Variants in EXOC4 observed in about 807,000 individuals in gnomAD.
EXOC4 encodes SEC8-like 1.
A neutral mutation model predicts 107.2 loss-of-function variants in EXOC4; 71 were observed. The observed-to-expected ratio is 0.66, with a 90% CI of 0.55 to 0.81. EXOC4 has a LOEUF of 0.81. Among genes scored for constraint, EXOC4 ranks in the 30% least tolerant of loss-of-function variants. EXOC4 has a pLI of 0.00. For missense variants in EXOC4, 1,108 were observed against 1,189.6 expected (o/e 0.93, Z 1.01); for synonymous variants, 456 against 441.2 (o/e 1.03, Z -0.42).
At chr7:133,413,301 G>A (rs529618182) in intron 7 of EXOC4, among the ~76,000 whole-genome samples, 8 of 152,124 alleles carry the variant, frequency 5.3e-5, no homozygotes, top group East Asian at 1.9e-4. Context: ...CAAATTCCTT[G>A]TCATTTTGCT....
chr7:133,266,358 A>T (rs1396435924), intron 1 of EXOC4, among the ~76,000 whole-genome samples: 1 of 152,178 alleles, frequency 6.6e-6, no homozygotes, highest in Non-Finnish European at 1.5e-5. Context: ...CAGAGATTCA[A>T]CATTTGAATT....
intron 5 of EXOC4, among the ~76,000 whole-genome samples, chr7:133,328,892 T>G (rs1331063460): frequency 3.3e-5 from 5 of 152,184 alleles, no homozygotes; most frequent in Non-Finnish European, 7.4e-5. Flanking sequence ...GATGGTTATA[T>G]GTCTTGGGGT....
Position 133,909,006 on chromosome 7 carries a change from G to A in EXOC4, c.1872-8577G>A, listed in dbSNP as rs368858892. Among the ~76,000 whole-genome samples the A allele has an allele frequency of 3.3e-4, 50 of 152,154 alleles. No homozygotes were observed. The East Asian group carries it at 8.3e-3, about 25-fold the overall frequency. ...TCCCCTAGCCCCCTAACTCCCGACA[G>A]GCCCCAGTGTGTCATGTTCCCCTCC... On this transcript the variant is annotated intron_variant, in intron 12 of 17. Coordinates refer to ENST00000253861, the MANE Select transcript of EXOC4 (RefSeq NM_021807.4).
intron 17 of EXOC4, among the ~76,000 whole-genome samples, chr7:134,036,552 A>T (rs924111480): frequency 6.6e-5 from 10 of 152,160 alleles, no homozygotes; most frequent in African/African-American, 1.9e-4. Flanking sequence ...CATGCCACTG[A>T]ACTCTAGCCT....
At chr7:133,676,093 T>G (rs1794050857) in intron 10 of EXOC4, among the ~76,000 whole-genome samples, 1 of 152,026 alleles carries the variant, frequency 6.6e-6, no homozygotes, top group African/African-American at 2.4e-5. Flanking sequence ...GGTCGCAAAA[T>G]TCGTGGCGTG....
intron 14 of EXOC4, among the ~76,000 whole-genome samples, chr7:133,969,912 A>T (rs1239583782): frequency 6.6e-6 from 1 of 152,202 alleles, no homozygotes; most frequent in Non-Finnish European, 1.5e-5. Context: ...AGGCAGGAAC[A>T]TTTAAGTCTG....
intron 7 of EXOC4, among the ~76,000 whole-genome samples, chr7:133,442,235 T>G (rs1041727131): frequency 2.6e-5 from 4 of 152,170 alleles, no homozygotes; most frequent in African/African-American, 9.7e-5. Context: ...GATAAAAACT[T>G]AAGTCAAATT....
intron 15 of EXOC4, among the ~76,000 whole-genome samples, chr7:134,001,016 G>A (rs1304139358): frequency 1.3e-5 from 2 of 152,090 alleles, no homozygotes; most frequent in African/African-American, 4.8e-5. Context: ...ATCCATCTAA[G>A]GAGTGTTTGA....
chr7:133,693,250 G>A (rs1214603389), intron 10 of EXOC4, among the ~76,000 whole-genome samples: 2 of 152,204 alleles, frequency 1.3e-5, no homozygotes, highest in African/African-American at 4.8e-5. Context: ...ACTGGTGTGA[G>A]TCCAAGAGTC....
chr7:133,269,040 A>G (rs1793802940), intron 1 of EXOC4, among the ~76,000 whole-genome samples: 1 of 152,198 alleles, frequency 6.6e-6, no homozygotes, highest in African/African-American at 2.4e-5. Context: ...GAATGGAAAA[A>G]AAAATCTAGA....
intron 10 of EXOC4, among the ~76,000 whole-genome samples, chr7:133,705,262 G>A (rs185786623): frequency 2.1e-4 from 32 of 152,228 alleles, no homozygotes; most frequent in Admixed American, 2.0e-3. Context: ...AGCAATTCAG[G>A]AGTCTAAGGC....
chr7:133,427,014 G>A (rs929375210), intron 7 of EXOC4, among the ~76,000 whole-genome samples: 1 of 152,088 alleles, frequency 6.6e-6, no homozygotes, highest in Non-Finnish European at 1.5e-5. Flanking sequence ...CACTCTAAAG[G>A]AACCTTAGCA....
intron 10 of EXOC4, among the ~76,000 whole-genome samples, chr7:133,694,805 C>T (rs1347613475): frequency 6.6e-6 from 1 of 152,070 alleles, no homozygotes; most frequent in Non-Finnish European, 1.5e-5. Context: ...AGATCTTATT[C>T]CTTTTAACTG....
chr7:133,950,608 G>T (rs1171086462), intron 14 of EXOC4, among the ~76,000 whole-genome samples: 1 of 152,218 alleles, frequency 6.6e-6, no homozygotes, highest in African/African-American at 2.4e-5. Context: ...ATAAGATTTT[G>T]ACCTTTTAGG....
rs965958238 is a variant in EXOC4 at position 133,331,762 on chromosome 7, C to T, written c.763+14372C>T. Among the ~76,000 whole-genome samples the T allele has an allele frequency of 7.2e-5, 11 of 152,268 alleles. No individual in the cohort carries two copies. The East Asian group carries it at 7.7e-4, about 11-fold the overall frequency. Reference sequence around the variant, plus strand: ...TATCTTTACAATCACTTTACAGATACGGAAGCTGAATGCAGGAAGGTTGAG... The same window carrying T: ...TATCTTTACAATCACTTTACAGATATGGAAGCTGAATGCAGGAAGGTTGAG... On this transcript the variant is annotated intron_variant, in intron 5 of 17. Coordinates refer to ENST00000253861, the MANE Select transcript of EXOC4 (RefSeq NM_021807.4).
chr7:133,354,733 C>T (rs1158282077), intron 5 of EXOC4, among the ~76,000 whole-genome samples: 1 of 152,164 alleles, frequency 6.6e-6, no homozygotes, highest in Non-Finnish European at 1.5e-5. Context: ...TGTCTTCCCA[C>T]CAGGTGTGTG....
chr7:133,298,451 C>T (rs1036683454), intron 3 of EXOC4, among the ~76,000 whole-genome samples: 6 of 152,046 alleles, frequency 3.9e-5, no homozygotes, highest in African/African-American at 1.2e-4. Flanking sequence ...GACTTTAGGA[C>T]GCTTGTTAAA....
At position 133,813,888 on chromosome 7, in the gene EXOC4, A is replaced by G. The variant is rs553372504; in HGVS notation, c.1515-3437A>G. Among the ~76,000 whole-genome samples the G allele has an allele frequency of 1.3e-4, 20 of 152,262 alleles. No homozygotes were observed. In the South Asian group the frequency reaches 4.2e-3, roughly 32 times the overall value. On this transcript the variant is annotated intron_variant, in intron 10 of 17. Coordinates refer to ENST00000253861, the MANE Select transcript of EXOC4 (RefSeq NM_021807.4). ...ACCCCAGGGGTTAATAGAGCGTTTA[A>G]CTGGTAATATGTAAGGTTAACTGCA...
At chr7:133,335,345 T>G (rs1183058604) in intron 5 of EXOC4, among the ~76,000 whole-genome samples, 1 of 152,170 alleles carries the variant, frequency 6.6e-6, no homozygotes, top group African/African-American at 2.4e-5. Context: ...GTGTGCCCAT[T>G]AAACAACTCC....
Sources: allele counts gnomAD v4.1 joint callset (sites outside exome capture counted in the v4.1 genomes callset), GRCh38; gene constraint gnomAD v4.1.1; transcripts MANE v1.5; gene names NCBI Gene and HGNC (gene_info 2026-07-23, HGNC 2026-07-21).